DOCK8: variants seen among roughly 807,000 people sequenced by gnomAD.
DOCK8 encodes the protein dedicator of cytokinesis protein 8.
Under a neutral mutation model 245.6 loss-of-function variants are expected in DOCK8, and 141 were observed. The ratio of observed to expected loss-of-function variants is 0.57; its 90% CI spans 0.50 to 0.66. The LOEUF is 0.66. DOCK8 is among the 30% of genes least tolerant of loss of function. The pLI is 0.00. For synonymous variants in DOCK8, 1,168 were observed against 970.2 expected, an observed-to-expected ratio of 1.20 and a Z score of -3.79; for missense variants, 2,965 against 2,603.4, an observed-to-expected ratio of 1.14 and a Z score of -3.02.
chr9:275,468 C>G (rs1377564207), intron 2 of DOCK8, among the ~76,000 whole-genome samples: 2 of 152,130 alleles, frequency 1.3e-5, no homozygotes, highest in East Asian at 3.8e-4. Context: ...TATCTAGGGA[C>G]AATTCAATCA....
chr9:392,510 T>TA lies in DOCK8; in HGVS notation c.2970+1945dup, dbSNP rs553977395. 1.9e-3 allele frequency among the ~76,000 whole-genome samples: 294 copies of TA among 152,228 alleles called. 2 individuals carry two copies. The highest frequency in any genetic ancestry group is 3.2e-3 in the Non-Finnish European group (219 of 68,010). Reference sequence around the variant, plus strand: ...AGATTCTTTCTCAAAGCACTAAAATTAGGAGGCTGGAGGCCAGCATTGTGC... The same window carrying TA: ...AGATTCTTTCTCAAAGCACTAAAATTAAGGAGGCTGGAGGCCAGCATTGTGC... On this transcript the variant is annotated intron_variant, in intron 24 of 47. Transcript: ENST00000432829.
At chr9:274,801 C>T (rs186896002) in intron 2 of DOCK8, among the ~76,000 whole-genome samples, 7 of 152,244 alleles carry the variant, frequency 4.6e-5, no homozygotes, top group Middle Eastern at 3.4e-3. Context: ...AATGAGAAGC[C>T]GTAGGTTTTC....
At position 332,420 on chromosome 9, in the gene DOCK8, G is replaced by C; in HGVS notation, c.1067G>C (p.Gly356Ala). The change falls in exon 10 of 48, where the codon GGA (glycine) becomes GCA (alanine). Residue 356 changes from glycine to alanine, a missense_variant. Physicochemically the swap from Gly to Ala is moderately conservative, Grantham distance 60. This residue lies in a region of DOCK8 where 2,825 missense variants were observed against 2,453.5 expected (regional missense o/e 1.15). Transcript: ENST00000432829. ...TAGATTGAAAAAGTCCTGCAGCAGG[G>C]AGAGATTGGAGACTGTGCAGAGCCC... ...VVKIEKVLQQ[G>A]EIGDCAEPYT... The C allele has an allele frequency of 6.2e-7, 1 of 1,612,868 alleles. No individual in the cohort carries two copies. Among genetic ancestry groups the C allele is most frequent in the Non-Finnish European group, 8.5e-7 (1 of 1,179,078 alleles).
At chr9:332,522 A>T (rs1463120521) in intron 10 of DOCK8, 44 bp downstream of exon 10, 6 of 1,426,328 alleles carry the variant, frequency 4.2e-6, no homozygotes, top group Non-Finnish European at 5.9e-6. Flanking sequence ...TCTTAGAAGA[A>T]GCAGGTATTT....
intron 1 of DOCK8, among the ~76,000 whole-genome samples, chr9:257,650 G>T (rs1392285999): frequency 3.9e-5 from 6 of 152,188 alleles, no homozygotes; most frequent in Admixed American, 2.0e-4. Flanking sequence ...CTCCTGAGTA[G>T]CTGGGATTAC....
chr9:461,762 T>TAA (rs1461398354), intron 46 of DOCK8, among the ~76,000 whole-genome samples: 1 of 151,828 alleles, frequency 6.6e-6, no homozygotes, highest in East Asian at 1.9e-4. Flanking sequence ...GTCTAGTCTT[T>TAA]AACTTGTGAG....
intron 41 of DOCK8, among the ~76,000 whole-genome samples, 198 bp from the exon 42 acceptor site, chr9:441,677 C>A (rs554405924): frequency 6.6e-6 from 1 of 152,168 alleles, no homozygotes; most frequent in Admixed American, 6.5e-5. Context: ...TCCCAGAAAT[C>A]TTTCATGGGA....
chr9:330,765 C>T (rs2050973610), intron 9 of DOCK8, among the ~76,000 whole-genome samples: 1 of 152,120 alleles, frequency 6.6e-6, no homozygotes, highest in Admixed American at 6.5e-5. Context: ...GCTTATTTGC[C>T]CTACTTTCCA....
At chr9:368,598 A>C in intron 15 of DOCK8, 1 of 248,692 alleles carries the variant, frequency 4.0e-6, no homozygotes, top group Non-Finnish European at 7.9e-6. Context: ...ATAAACACAC[A>C]CCACCTCCAC....
chr9:382,144 A>G (rs2053745106), intron 21 of DOCK8, among the ~76,000 whole-genome samples: 1 of 152,206 alleles, frequency 6.6e-6, no homozygotes, highest in South Asian at 2.1e-4. Context: ...TAAAGTTGTC[A>G]TTTAAATATT....
chr9:338,237 ACT>A (rs1699777069), intron 12 of DOCK8, among the ~76,000 whole-genome samples: 1 of 152,000 alleles, frequency 6.6e-6, no homozygotes, highest in Non-Finnish European at 1.5e-5. Flanking sequence ...GCTTGGTCTG[ACT>A]CTGTTTTGGA....
intron 45 of DOCK8, among the ~76,000 whole-genome samples, chr9:450,754 T>C (rs2131873861): frequency 6.6e-6 from 1 of 151,948 alleles, no homozygotes; most frequent in East Asian, 1.9e-4. Context: ...CGTTTGCCTT[T>C]GTAAGTGCCA....
At chr9:322,701 A>G (rs551900106) in intron 7 of DOCK8, among the ~76,000 whole-genome samples, 17 of 152,230 alleles carry the variant, frequency 1.1e-4, no homozygotes, top group Non-Finnish European at 2.1e-4. Flanking sequence ...CAACCTAAGT[A>G]TATCACAGCA....
At chr9:298,496 T>C (rs190234233) in intron 4 of DOCK8, among the ~76,000 whole-genome samples, 15 of 152,302 alleles carry the variant, frequency 9.8e-5, no homozygotes. Context: ...CTTTTTATCA[T>C]AAAATATTAA....
intron 14 of DOCK8, chr9:365,486 C>T (rs1452798028): frequency 4.7e-6 from 2 of 421,296 alleles, no homozygotes; most frequent in African/African-American, 4.2e-5. Flanking sequence ...AAAATCATGC[C>T]TTTAGAAGCA....
chr9:252,081 C>T (rs1676000497), intron 1 of DOCK8, among the ~76,000 whole-genome samples: 1 of 149,524 alleles, frequency 6.7e-6, no homozygotes, highest in South Asian at 2.1e-4. Context: ...TCAAGTGATT[C>T]TCCTGCCTCA....
intron 4 of DOCK8, among the ~76,000 whole-genome samples, chr9:292,418 A>G (rs975982462): frequency 4.2e-5 from 6 of 144,404 alleles, no homozygotes; most frequent in African/African-American, 1.5e-4. Flanking sequence ...AAAAAAGATT[A>G]TTGACACTAC....
intron 23 of DOCK8, among the ~76,000 whole-genome samples, chr9:386,849 A>G (rs1183933648): frequency 2.0e-5 from 3 of 152,254 alleles, no homozygotes; most frequent in Admixed American, 2.0e-4. Flanking sequence ...CATCCTTGAC[A>G]AAAGTGAATG....
intron 29 of DOCK8, 34 bp downstream of exon 29, chr9:414,985 TG>T (rs1212858306): frequency 1.9e-6 from 3 of 1,611,780 alleles, no homozygotes; most frequent in Non-Finnish European, 2.5e-6. Flanking sequence ...CTTGGATTGT[TG>T]GGGGCCCCTG....
Sources: allele counts gnomAD v4.1 joint callset (sites outside exome capture counted in the v4.1 genomes callset), GRCh38; gene constraint gnomAD v4.1.1; regional missense constraint gnomAD v4.1.1; transcripts MANE v1.5; gene names NCBI Gene and HGNC (gene_info 2026-07-23, HGNC 2026-07-21).